TMEM182: variants seen among roughly 807,000 people sequenced by gnomAD.
The protein encoded by TMEM182 is transmembrane protein 182.
In TMEM182, 20 loss-of-function variants were observed where a neutral mutation model predicts 26.8. The ratio of observed to expected loss-of-function variants is 0.75; its 90% CI spans 0.53 to 1.09. The LOEUF (loss-of-function observed/expected upper bound fraction) is 1.09. Ranked by LOEUF, TMEM182 falls within the 50% of genes least tolerant of loss-of-function variation. The probability of loss-of-function intolerance (pLI) is 0.00; values close to 1 mark genes in which losing one functional copy is unlikely to be tolerated. For synonymous variants in TMEM182, 109 were observed against 102.2 expected (o/e 1.07, Z -0.40); for missense variants, 277 against 275.5 (o/e 1.01, Z -0.04).
chr2:102,817,527 G>A lies in TMEM182; in HGVS notation c.*2559G>A, dbSNP rs369173661. On this transcript the variant is annotated 3_prime_UTR_variant, in exon 5 of 5. Coordinates refer to ENST00000412401, the MANE Select transcript of TMEM182 (RefSeq NM_144632.5). The stretch of plus-strand genomic sequence containing the variant: ...GACTACACAGAGAAGTTTAATGATC[G>A]TGTACAATTTGAGGGTTGATGGTAG... The A allele has an allele frequency of 3.3e-5, 33 of 985,314 alleles. 1 individual carries two copies. Among genetic ancestry groups the A allele is most frequent in the African/African-American group, 2.3e-4 (13 of 57,332 alleles). The allele number at this position is 985,314 out of a possible 1,614,324, so 61.0% of individuals were successfully genotyped here. A position where few individuals can be genotyped will look rare whatever the true frequency, so the allele number is the denominator to read the frequency against.
intron 3 of TMEM182, among the ~76,000 whole-genome samples, chr2:102,771,371 T>G (rs1379156291): frequency 6.6e-6 from 1 of 152,086 alleles, no homozygotes; most frequent in Admixed American, 6.5e-5. Flanking sequence ...CCAGGCTCCA[T>G]TGCATGCAGG....
In TMEM182 at chr2:102,838,185, G is replaced by T. The variant is rs533743779; in HGVS notation, c.326-5227G>T. Among the ~76,000 whole-genome samples the T allele has an allele frequency of 3.3e-5, 5 of 152,306 alleles. No homozygotes were observed. The South Asian group carries it at 1.0e-3, about 32-fold the overall frequency. On this transcript the variant is annotated intron_variant, in intron 3 of 3. Coordinates refer to the TMEM182 transcript ENST00000486293. ...TTGTAAGTCTTCAATTTCAAAACAG[G>T]AAACTGTGAAGCTCCATTATTACTT...
chr2:102,808,660 A>G (rs1262695042), intron 4 of TMEM182, among the ~76,000 whole-genome samples: 3 of 152,242 alleles, frequency 2.0e-5, no homozygotes, highest in East Asian at 3.8e-4. Flanking sequence ...AGTTTCATTC[A>G]TAATAGTTAG....
At chr2:102,787,759 T>C (rs892016778) in intron 3 of TMEM182, among the ~76,000 whole-genome samples, 1 of 152,196 alleles carries the variant, frequency 6.6e-6, no homozygotes, top group South Asian at 2.1e-4. Flanking sequence ...ACAACAAACA[T>C]GACTAGTGAT....
intron 3 of TMEM182, among the ~76,000 whole-genome samples, chr2:102,770,466 C>T (rs1448398180): frequency 2.0e-5 from 3 of 152,186 alleles, no homozygotes; most frequent in Non-Finnish European, 4.4e-5. Flanking sequence ...TAGACAGGAC[C>T]TGAGGACTCT....
At chr2:102,740,023 C>G (rs1221320161) in intron 1 of TMEM182, among the ~76,000 whole-genome samples, 1 of 152,028 alleles carries the variant, frequency 6.6e-6, no homozygotes, top group African/African-American at 2.4e-5. Context: ...GAGACCTGTA[C>G]ACTGAAAAAT....
intron 4 of TMEM182, among the ~76,000 whole-genome samples, chr2:102,804,738 G>A (rs897900380): frequency 6.6e-6 from 1 of 151,856 alleles, no homozygotes. Context: ...GGAGGTTGGT[G>A]GTGGAAAAAA....
At chr2:102,811,058 C>CAAA (rs10629082) in intron 4 of TMEM182, among the ~76,000 whole-genome samples, 1,790 of 94,246 alleles carry the variant, frequency 0.019, 177 homozygotes, top group African/African-American at 0.057. Context: ...TCCTCTATAG[C>CAAA]AAAAAAAAAA....
At chr2:102,782,221 A>G in intron 3 of TMEM182, among the ~76,000 whole-genome samples, 1 of 152,052 alleles carries the variant, frequency 6.6e-6, no homozygotes, top group South Asian at 2.1e-4. Flanking sequence ...CAGGAGAATC[A>G]CTTGAGAGGC....
intron 1 of TMEM182, among the ~76,000 whole-genome samples, chr2:102,756,823 T>C (rs1415700692): frequency 1.4e-5 from 1 of 72,358 alleles, no homozygotes; most frequent in African/African-American, 8.8e-5. Flanking sequence ...TCTTTTTTCC[T>C]TTTTTTTTGA....
intron 3 of TMEM182, among the ~76,000 whole-genome samples, chr2:102,841,172 G>C (rs889976223): frequency 6.6e-6 from 1 of 152,170 alleles, no homozygotes; most frequent in Non-Finnish European, 1.5e-5. Flanking sequence ...GGCGATGTCT[G>C]TGTCCTCTGC....
At chr2:102,777,988 T>C (rs2104690385) in intron 3 of TMEM182, among the ~76,000 whole-genome samples, 1 of 152,146 alleles carries the variant, frequency 6.6e-6, no homozygotes, top group East Asian at 1.9e-4. Flanking sequence ...TCTGTAGTTT[T>C]ATTGTATTCT....
At chr2:102,745,277 T>C (rs1248330901) in intron 1 of TMEM182, among the ~76,000 whole-genome samples, 2 of 152,100 alleles carry the variant, frequency 1.3e-5, no homozygotes, top group East Asian at 3.8e-4. Context: ...ATTTGAATCT[T>C]TCTTAGAGTT....
chr2:102,826,966 T>G (rs1683043594), intron 3 of TMEM182, among the ~76,000 whole-genome samples: 1 of 152,192 alleles, frequency 6.6e-6, no homozygotes, highest in South Asian at 2.1e-4. Flanking sequence ...TTTAATACAT[T>G]TAAAAAGGAA....
At chr2:102,837,973 G>A (rs376971193) in intron 3 of TMEM182, among the ~76,000 whole-genome samples, 43 of 152,236 alleles carry the variant, frequency 2.8e-4, no homozygotes, top group Non-Finnish European at 4.6e-4. Flanking sequence ...TCAAGACGGC[G>A]GCAGCAAAGC....
intron 3 of TMEM182, among the ~76,000 whole-genome samples, chr2:102,788,791 G>T (rs1397354632): frequency 6.6e-6 from 1 of 152,108 alleles, no homozygotes; most frequent in Admixed American, 6.5e-5. Context: ...CCTGAATCGG[G>T]CAAGTTTAAG....
At chr2:102,753,807 TTTACTGAGCACCTACC>T (rs1452089284) in intron 1 of TMEM182, among the ~76,000 whole-genome samples, 1 of 152,226 alleles carries the variant, frequency 6.6e-6, no homozygotes, top group Non-Finnish European at 1.5e-5. Context: ...TAGCTGAATT[TTTACTGAGCACCTACC>T]TTACAGCATT....
At chr2:102,748,169 A>C (rs922909815) in intron 1 of TMEM182, among the ~76,000 whole-genome samples, 11 of 152,236 alleles carry the variant, frequency 7.2e-5, no homozygotes, top group African/African-American at 2.7e-4. Flanking sequence ...GTAGGCACAA[A>C]CAACCAAAAT....
chr2:102,762,506 T>A, intron 1 of TMEM182, 81 bp from the exon 2 acceptor site: 1 of 1,539,794 alleles, frequency 6.5e-7, no homozygotes, highest in Non-Finnish European at 8.8e-7. Context: ...AAAATACATG[T>A]CCTTAAAAAT....
Sources: allele counts gnomAD v4.1 joint callset (sites outside exome capture counted in the v4.1 genomes callset), GRCh38; gene constraint gnomAD v4.1.1; transcripts MANE v1.5; gene names NCBI Gene and HGNC (gene_info 2026-07-23, HGNC 2026-07-21).